MAPK6: variants seen among roughly 807,000 people sequenced by gnomAD.
The protein encoded by MAPK6 is mitogen-activated protein kinase 6.
In MAPK6, 19 loss-of-function variants were observed where a neutral mutation model predicts 59.3. That is an observed-to-expected ratio of 0.32 (90% CI 0.22 to 0.47). The LOEUF is 0.47. Ranked by LOEUF, MAPK6 falls within the 20% of genes least tolerant of loss-of-function variation. MAPK6 has a pLI of 1.00. For synonymous variants in MAPK6, 316 were observed against 290.3 expected, an observed-to-expected ratio of 1.09 and a Z score of -0.90; for missense variants, 724 against 847.9, an observed-to-expected ratio of 0.85 and a Z score of 1.81.
intron 1 of MAPK6, among the ~76,000 whole-genome samples, chr15:52,034,717 A>G (rs1009391489): frequency 4.0e-5 from 6 of 151,566 alleles, no homozygotes; most frequent in African/African-American, 1.5e-4. Flanking sequence ...TTGTTTATTG[A>G]GATGGAATCT....
chr15:52,013,020 A>AATATATATATATATATATAT (rs71130116), intron 3 of MAPK6, among the ~76,000 whole-genome samples: 5 of 19,116 alleles, frequency 2.6e-4, no homozygotes, highest in African/African-American at 3.8e-4. Flanking sequence ...AAAAAAAAAA[A>AATATATATATATATATATAT]ATATATATAT....
chr15:51,998,990 T>A (rs2057234541), intron 2 of MAPK6, among the ~76,000 whole-genome samples: 2 of 131,584 alleles, frequency 1.5e-5, no homozygotes, highest in African/African-American at 5.8e-5. Flanking sequence ...GCGCCCGGCC[T>A]TTTTTTTTTG....
chr15:51,991,534 C>A (rs961028094), intron 2 of MAPK6, among the ~76,000 whole-genome samples: 7 of 152,184 alleles, frequency 4.6e-5, no homozygotes, highest in African/African-American at 1.7e-4. Context: ...AGAGCCTCTA[C>A]TGTGTGCAAG....
upstream of MAPK6, among the ~76,000 whole-genome samples, chr15:52,016,070 G>GCGCGCGCCCGCGCA: frequency 1.8e-5 from 1 of 55,392 alleles, no homozygotes; most frequent in African/African-American, 7.0e-5. Context: ...GCGCGCGCGC[G>GCGCGCGCCCGCGCA]CACACACACA....
intron 1 of MAPK6, among the ~76,000 whole-genome samples, chr15:51,977,514 C>T (rs996525023): frequency 6.6e-6 from 1 of 151,538 alleles, no homozygotes; most frequent in African/African-American, 2.4e-5. Context: ...GTTCCTACTC[C>T]AGCCTCCATT....
rs1228193622 is a variant in MAPK6 at position 52,066,671 on chromosome 15, C to T, written c.*1671C>T. The stretch of plus-strand genomic sequence containing the variant: ...CTCTTCACCTCACTTTTCTTTCATC[C>T]TTGTTTTGTACAACACCAATTCTAT... On this transcript the variant is annotated 3_prime_UTR_variant, in exon 6 of 6. Transcript: ENST00000261845. 6.6e-6 allele frequency: 1 copy of T among 151,746 alleles called. No homozygotes were observed. Among genetic ancestry groups the T allele is most frequent in the Non-Finnish European group, 1.5e-5 (1 of 67,914 alleles). 9.4% of individuals were successfully genotyped at this position (151,746 alleles called of 1,614,324 possible).
chr15:52,063,505 GCAAACC>G lies in MAPK6; in HGVS notation c.1068-396_1068-391del, dbSNP rs2032288180. Among the ~76,000 whole-genome samples, 2 of 6,358 alleles carry G rather than the reference GCAAACC, an allele frequency of 3.1e-4. 1 individual carries two copies. Among genetic ancestry groups the G allele is most frequent in the Non-Finnish European group, 2.6e-3 (2 of 776 alleles). 4.2% of individuals were successfully genotyped at this position (6,358 alleles called of 152,430 possible). ...GCTATTCATGGTGATGAGTTTTCCA[GCAAACC>G]TCCTCCTCTTCTAGTTGCCCTTACT... On this transcript the variant is annotated intron_variant, in intron 5 of 5. Transcript: ENST00000261845.
At chr15:52,034,095 C>G (rs994814524) in intron 1 of MAPK6, 4 of 152,200 alleles carry the variant, frequency 2.6e-5, no homozygotes, top group African/African-American at 9.7e-5. Flanking sequence ...AAGCGATTCT[C>G]CCGCCTCAGC....
intron 4 of MAPK6, among the ~76,000 whole-genome samples, chr15:52,059,938 C>A (rs1596011791): frequency 6.6e-6 from 1 of 152,194 alleles, no homozygotes; most frequent in Non-Finnish European, 1.5e-5. Context: ...TGTTCTCACC[C>A]CACATTCTTT....
intron 2 of MAPK6, among the ~76,000 whole-genome samples, chr15:51,991,404 T>G (rs941264490): frequency 1.4e-4 from 21 of 152,056 alleles, no homozygotes; most frequent in African/African-American, 5.1e-4. Flanking sequence ...AGATAGAAAA[T>G]TTAGGTCTCA....
chr15:51,983,215 G>A (rs2057179909), exon 2 of MAPK6, among the ~76,000 whole-genome samples: 1 of 152,126 alleles, frequency 6.6e-6, no homozygotes, highest in African/African-American at 2.4e-5. Flanking sequence ...GGTTGGGCGT[G>A]GTGCCTCATG....
At chr15:52,061,608 T>G in intron 5 of MAPK6, 108 bp downstream of exon 5, 3 of 857,556 alleles carry the variant, frequency 3.5e-6, no homozygotes, top group Non-Finnish European at 5.3e-6. Context: ...GTCTTAAAAA[T>G]TTAGTAATGT....
chr15:52,065,955 A>G lies in MAPK6; in HGVS notation c.*955A>G, dbSNP rs2032407214. The G allele has an allele frequency of 6.6e-6, 1 of 152,650 alleles. No homozygotes were observed. Among genetic ancestry groups the G allele is most frequent in the African/African-American group, 2.4e-5 (1 of 41,468 alleles). The allele number at this position is 152,650 out of a possible 1,614,324, so 9.5% of individuals were successfully genotyped here. Reference sequence around the variant, plus strand: ...AATTACTTTATTATAAAATGCTCCTAGAAGTCTTAATTGTGTTTATTTTTT... The same window carrying G: ...AATTACTTTATTATAAAATGCTCCTGGAAGTCTTAATTGTGTTTATTTTTT... On this transcript the variant is annotated 3_prime_UTR_variant, in exon 6 of 6. Coordinates refer to ENST00000261845, the MANE Select transcript of MAPK6 (RefSeq NM_002748.4).
intron 1 of MAPK6, chr15:52,024,597 C>T (rs2030678702): frequency 6.6e-6 from 1 of 152,178 alleles, no homozygotes; most frequent in East Asian, 1.9e-4. Context: ...GACGGGGTTT[C>T]ACCGTGTTAG....
chr15:52,055,789 A>G (rs557937813), intron 3 of MAPK6, among the ~76,000 whole-genome samples: 46 of 152,350 alleles, frequency 3.0e-4, no homozygotes, highest in African/African-American at 1.1e-3. Context: ...TGCTGGGATT[A>G]CAGGTGTGAG....
At chr15:51,973,909 C>T (rs1326624613) in intron 1 of MAPK6, among the ~76,000 whole-genome samples, 1 of 151,830 alleles carries the variant, frequency 6.6e-6, no homozygotes, top group African/African-American at 2.4e-5. Context: ...GCCTTGGCCT[C>T]CCAAAGTGAT....
rs1187193301 is a variant in MAPK6, at chr15:52,066,462, A to C, written c.*1462A>C. 2.6e-5 allele frequency: 4 copies of C among 152,222 alleles called. No individual in the cohort carries two copies. The East Asian group carries it at 7.7e-4, about 29-fold the overall frequency. 9.4% of individuals were successfully genotyped at this position (152,222 alleles called of 1,614,324 possible). A position where few individuals can be genotyped will look rare whatever the true frequency, so the allele number is the denominator to read the frequency against. On this transcript the variant is annotated 3_prime_UTR_variant, in exon 6 of 6. Transcript: ENST00000261845. Reference sequence around the variant, plus strand: ...AACTGTTAGGTAAAATGTGTAGTTGAAACTTTGAACTGTGCAGTCAGAAAA... The same window carrying C: ...AACTGTTAGGTAAAATGTGTAGTTGCAACTTTGAACTGTGCAGTCAGAAAA...
At chr15:52,032,788 G>C (rs2031090359) in intron 1 of MAPK6, among the ~76,000 whole-genome samples, 1 of 152,170 alleles carries the variant, frequency 6.6e-6, no homozygotes, top group Non-Finnish European at 1.5e-5. Context: ...AAGTTCAAGT[G>C]ATTCTCCTGC....
intron 5 of MAPK6, among the ~76,000 whole-genome samples, chr15:52,062,656 T>G (rs1021987457): frequency 6.6e-6 from 1 of 152,054 alleles, no homozygotes; most frequent in African/African-American, 2.4e-5. Context: ...TCCCAGCTAC[T>G]CAGGAGGCTG....
Sources: allele counts gnomAD v4.1 joint callset (sites outside exome capture counted in the v4.1 genomes callset), GRCh38; gene constraint gnomAD v4.1.1; transcripts MANE v1.5; gene names NCBI Gene and HGNC (gene_info 2026-07-23, HGNC 2026-07-21).